The following MALRD1 variants were observed in gnomAD, a reference collection of about 807,000 sequenced individuals.
The protein encoded by MALRD1 is MAM and LDL-receptor class A domain-containing protein 1.
MALRD1 carries 247 observed loss-of-function variants against 242.1 expected under a neutral mutation model. That is an observed-to-expected ratio of 1.02 (90% CI 0.92 to 1.13). MALRD1 has a LOEUF of 1.13. Among genes scored for constraint, MALRD1 ranks in the 50% most tolerant of loss-of-function variants. The pLI is 0.00. For missense variants in MALRD1, 2,989 were observed against 2,533.1 expected, an observed-to-expected ratio of 1.18 and a Z score of -3.86; for synonymous variants, 995 against 866.6, an observed-to-expected ratio of 1.15 and a Z score of -2.60.
chr10:19,271,810 A>C (rs1840260841), intron 19 of MALRD1, among the ~76,000 whole-genome samples: 2 of 152,204 alleles, frequency 1.3e-5, no homozygotes, highest in Non-Finnish European at 2.9e-5. Flanking sequence ...AACCTAATGA[A>C]ATAGAAACTG....
chr10:19,676,155 C>A (rs1842129040), intron 36 of MALRD1, among the ~76,000 whole-genome samples: 1 of 152,074 alleles, frequency 6.6e-6, no homozygotes, highest in Non-Finnish European at 1.5e-5. Context: ...ACTAGCTGTG[C>A]CAGCGAGAAG....
At chr10:19,643,567 C>T (rs1397684608) in intron 36 of MALRD1, among the ~76,000 whole-genome samples, 1 of 152,100 alleles carries the variant, frequency 6.6e-6, no homozygotes, top group East Asian at 1.9e-4. Context: ...ATAATAGACG[C>T]TCATATTAAG....
At chr10:19,594,544 A>G (rs1837980071) in intron 33 of MALRD1, among the ~76,000 whole-genome samples, 2 of 152,224 alleles carry the variant, frequency 1.3e-5, no homozygotes. Context: ...GCATGTTTAT[A>G]GCAGCACAAT....
intron 38 of MALRD1, among the ~76,000 whole-genome samples, chr10:19,702,991 A>G (rs1438357306): frequency 6.6e-6 from 1 of 152,130 alleles, no homozygotes; most frequent in African/African-American, 2.4e-5. Flanking sequence ...AGCCTCTTAA[A>G]GTTGTTGTTA....
At chr10:19,487,169 A>G (rs2131199739) in intron 29 of MALRD1, among the ~76,000 whole-genome samples, 1 of 152,278 alleles carries the variant, frequency 6.6e-6, no homozygotes, top group East Asian at 1.9e-4. Flanking sequence ...ATCATCAAAT[A>G]TAGAATATGT....
chr10:19,389,661 A>C (rs995008120), intron 28 of MALRD1, 52 bp downstream of exon 28: 2 of 1,516,058 alleles, frequency 1.3e-6, no homozygotes, highest in Admixed American at 2.1e-5. Context: ...TGTTTTAGAG[A>C]CAGGGTCTTG....
At chr10:19,552,019 C>T (rs1835493111) in intron 32 of MALRD1, among the ~76,000 whole-genome samples, 1 of 151,982 alleles carries the variant, frequency 6.6e-6, no homozygotes, top group African/African-American at 2.4e-5. Flanking sequence ...TTTCTGCATT[C>T]ATGTTCATCA....
chr10:19,366,128 T>G (rs898556474), intron 26 of MALRD1, among the ~76,000 whole-genome samples: 3 of 151,980 alleles, frequency 2.0e-5, no homozygotes, highest in Admixed American at 2.0e-4. Context: ...ACTTTATTTC[T>G]ATTATTATTA....
At chr10:19,697,653 C>A (rs1833440243) in intron 38 of MALRD1, among the ~76,000 whole-genome samples, 1 of 152,144 alleles carries the variant, frequency 6.6e-6, no homozygotes, top group South Asian at 2.1e-4. Flanking sequence ...AACAGCCTAT[C>A]ATATGGAAGT....
intron 30 of MALRD1, among the ~76,000 whole-genome samples, chr10:19,495,717 G>T (rs1837684600): frequency 6.6e-6 from 1 of 152,138 alleles, no homozygotes. Context: ...TTAAATCCAT[G>T]CATTGTCATG....
chr10:19,603,180 A>G (rs1284466280), intron 34 of MALRD1, among the ~76,000 whole-genome samples: 3 of 152,178 alleles, frequency 2.0e-5, no homozygotes, highest in Admixed American at 2.0e-4. Flanking sequence ...TTTGCTGTGC[A>G]GAAGCTCTTT....
intron 2 of MALRD1, among the ~76,000 whole-genome samples, chr10:19,072,600 A>G (rs139755501): frequency 1.6e-4 from 24 of 152,210 alleles, no homozygotes; most frequent in Middle Eastern, 3.4e-3. Context: ...GACACTATTC[A>G]ATATTGGACA....
chr10:19,534,888 TG>T (rs1834588863), intron 32 of MALRD1, among the ~76,000 whole-genome samples: 2 of 151,808 alleles, frequency 1.3e-5, no homozygotes, highest in African/African-American at 4.9e-5. Flanking sequence ...TTGTTGTTGT[TG>T]TTGTTTTTGT....
rs992451696 is a variant in MALRD1, at chr10:19,658,168, A to G, written c.6138-34114A>G. ...AATCTCAAAACAAAGCAAACAAAAA[A>G]AAACCCACTAATTTCAAAATGTACA... On this transcript the variant is annotated intron_variant, in intron 36 of 39. Coordinates refer to ENST00000454679, the MANE Select transcript of MALRD1 (RefSeq NM_001142308.3). Among the ~76,000 whole-genome samples the G allele has an allele frequency of 2.0e-5, 3 of 152,114 alleles. No homozygotes were observed. The South Asian group carries it at 6.2e-4, about 32-fold the overall frequency.
At chr10:19,579,561 C>T (rs1314536285) in intron 33 of MALRD1, among the ~76,000 whole-genome samples, 1 of 152,134 alleles carries the variant, frequency 6.6e-6, no homozygotes, top group South Asian at 2.1e-4. Flanking sequence ...CTCATAGGAC[C>T]GATGATGATT....
At chr10:19,325,234 C>T (rs9633636) in intron 22 of MALRD1, among the ~76,000 whole-genome samples, 83,579 of 151,492 alleles carry the variant, frequency 0.55, 23,229 homozygotes, top group Middle Eastern at 0.58. Flanking sequence ...TATTTATTTG[C>T]TCCTCAAACT....
chr10:19,138,057 G>A (rs903007448), intron 10 of MALRD1, among the ~76,000 whole-genome samples: 18 of 152,152 alleles, frequency 1.2e-4, no homozygotes, highest in African/African-American at 4.1e-4. Context: ...GGGAAGCTTG[G>A]ATTTTATTAA....
intron 29 of MALRD1, among the ~76,000 whole-genome samples, chr10:19,455,113 A>G (rs1354659478): frequency 6.6e-6 from 1 of 152,212 alleles, no homozygotes; most frequent in East Asian, 1.9e-4. Flanking sequence ...TATTCATAGA[A>G]AAATAAGTGA....
rs371117447 is a variant in MALRD1 at position 19,530,423 on chromosome 10, A to ATATT, written c.5321-768_5321-767insTTAT. ...ATATTATATATTTATATAATAATAA[A>ATATT]TATATAATATATATAATATATAATA... On this transcript the variant is annotated intron_variant, in intron 31 of 39. Transcript: ENST00000454679. Among the ~76,000 whole-genome samples the ATATT allele has an allele frequency of 1.2e-4, 9 of 77,844 alleles. 1 individual carries two copies. The highest frequency in any genetic ancestry group is 2.4e-4 in the Non-Finnish European group (9 of 38,036). 51.1% of individuals were successfully genotyped at this position (77,844 alleles called of 152,430 possible). A position where few individuals can be genotyped will look rare whatever the true frequency, so the allele number is the denominator to read the frequency against.
Sources: allele counts gnomAD v4.1 joint callset (sites outside exome capture counted in the v4.1 genomes callset), GRCh38; gene constraint gnomAD v4.1.1; transcripts MANE v1.5; gene names NCBI Gene and HGNC (gene_info 2026-07-23, HGNC 2026-07-21).